The following TMEM259 variants were observed in gnomAD, a reference collection of about 807,000 sequenced individuals.
TMEM259 encodes membralin.
Under a neutral mutation model 46.7 loss-of-function variants are expected in TMEM259, and 26 were observed. That is an observed-to-expected ratio of 0.56 (90% confidence interval 0.41 to 0.77). The LOEUF is 0.77. TMEM259 is among the 30% of genes least tolerant of loss of function. The probability of loss-of-function intolerance (pLI) is 0.00; values close to 1 mark genes in which losing one functional copy is unlikely to be tolerated. For missense variants in TMEM259, 930 were observed against 900.5 expected, an observed-to-expected ratio of 1.03 and a Z score of -0.42; for synonymous variants, 494 against 395.1, an observed-to-expected ratio of 1.25 and a Z score of -2.97.
In TMEM259 at chr19:1,009,841, T is replaced by C; in HGVS notation, c.*509A>G. The C allele has an allele frequency of 4.7e-6, 2 of 423,284 alleles. No homozygotes were observed. The highest frequency in any genetic ancestry group is 5.5e-5 in the South Asian group (1 of 18,302). 26.2% of individuals were successfully genotyped at this position (423,284 alleles called of 1,614,324 possible). A position where few individuals can be genotyped will look rare whatever the true frequency, so the allele number is the denominator to read the frequency against. On this transcript the variant is annotated 3_prime_UTR_variant, in exon 11 of 11. Coordinates refer to ENST00000356663, the MANE Select transcript of TMEM259 (RefSeq NM_001033026.2). ...CTGATGTTGGCGCCTGCACCCCACGTCCCTATGCCCGAGGCGCAAGCTCTG... is the reference window on the plus strand; with the variant it reads ...CTGATGTTGGCGCCTGCACCCCACGCCCCTATGCCCGAGGCGCAAGCTCTG...
rs1568399827 is a variant in TMEM259, at chr19:1,011,348, G to A, written c.1217+19C>T. On this transcript the variant is annotated intron_variant, in intron 9 of 10. Transcript: ENST00000356663. ...TGCCCACCAGCACCCACTCCACCCT[G>A]CCCCCGCGCCACGCTCACCGCAGCC... is the stretch of plus-strand genomic sequence containing the variant. 3 of 1,564,122 alleles carry A rather than the reference G, an allele frequency of 1.9e-6. No individual in the cohort carries two copies. Among genetic ancestry groups the A allele is most frequent in the Non-Finnish European group, 2.6e-6 (3 of 1,156,792 alleles).
Position 1,010,776 on chromosome 19 carries a change from G to T in TMEM259, c.1437C>A (p.Pro479=). Residue 479 remains proline, a synonymous_variant, in exon 11 of 11, where the codon CCC becomes CCA. Coordinates refer to ENST00000356663, the MANE Select transcript of TMEM259 (RefSeq NM_001033026.2). The part of the protein sequence containing the change: ...PLGPGTPTAL[P]DDMNNNSGAP... ...CGCCCGAGTTGTTGTTCATGTCATC[G>T]GGCAGCGCCGTGGGGGTCCCGGGGC... 1 of 1,555,314 alleles carries T rather than the reference G, an allele frequency of 6.4e-7. No individual in the cohort carries two copies. Among genetic ancestry groups the T allele is most frequent in the South Asian group, 1.2e-5 (1 of 85,836 alleles).
At position 1,009,934 on chromosome 19, in the gene TMEM259, G is replaced by C; in HGVS notation, c.*416C>G. 3.0e-6 allele frequency: 1 copy of C among 330,084 alleles called. No individual in the cohort carries two copies. The highest frequency in any genetic ancestry group is 5.5e-6 in the Non-Finnish European group (1 of 181,230). The allele number at this position is 330,084 out of a possible 1,614,324, so 20.4% of individuals were successfully genotyped here. A position where few individuals can be genotyped will look rare whatever the true frequency, so the allele number is the denominator to read the frequency against. On this transcript the variant is annotated 3_prime_UTR_variant, in exon 11 of 11. Transcript: ENST00000356663. The stretch of plus-strand genomic sequence containing the variant: ...GGGGCCATGGAGAAGGCACTGCAGG[G>C]AGCACCAGGCAGAGCCGGGCTGAGG...
chr19:1,010,371 C>A lies in TMEM259; in HGVS notation c.1842G>T (p.Ala614=), dbSNP rs375152820. 13 of 1,495,672 alleles carry A rather than the reference C, an allele frequency of 8.7e-6. No homozygotes were observed. In the East Asian group the frequency reaches 2.7e-4, roughly 31 times the overall value. The allele number at this position is 1,495,672 out of a possible 1,614,324, so 92.7% of individuals were successfully genotyped here. A position where few individuals can be genotyped will look rare whatever the true frequency, so the allele number is the denominator to read the frequency against. The change falls in exon 11 of 11, where the codon GCG becomes GCT. Residue 614 remains alanine (A), a synonymous_variant. Transcript: ENST00000356663. The stretch of plus-strand genomic sequence containing the variant: ...CGGCTCAGGACCCCACCTCCGAGGG[C>A]GCCTCCGTTGGGGCCATGGAGGCCG... ...PSPASMAPTE[A]PSEVGS is the part of the protein sequence containing the mutation.
Position 1,020,085 on chromosome 19 carries a change from G to C in TMEM259, c.225+687C>G, listed in dbSNP as rs1763658615. ...CAACCTGAGCTCCTGAAGCAGGAAG[G>C]GAGTGGGGACCCAGCGGAGGAAGAG... On this transcript the variant is annotated intron_variant, in intron 1 of 10. Coordinates refer to ENST00000356663, the MANE Select transcript of TMEM259 (RefSeq NM_001033026.2). This position sits in a 1 kb window ranked among gnomAD's most constrained non-coding sequence, Gnocchi z 4.0. 6.6e-6 allele frequency among the ~76,000 whole-genome samples: 1 copy of C among 152,132 alleles called. No individual in the cohort carries two copies. Among genetic ancestry groups the C allele is most frequent in the Non-Finnish European group, 1.5e-5 (1 of 68,010 alleles).
chr19:1,016,876 G>A (rs912965033), intron 1 of TMEM259, among the ~76,000 whole-genome samples: 55 of 152,282 alleles, frequency 3.6e-4, no homozygotes, highest in African/African-American at 1.3e-3. Context: ...CGGACGTGAT[G>A]AGAGGGCACC....
At chr19:1,013,668 G>T in intron 2 of TMEM259, 1 of 307,742 alleles carries the variant, frequency 3.2e-6, no homozygotes, top group Non-Finnish European at 6.2e-6. Flanking sequence ...GTGGGAACAG[G>T]TGGGACCCCA....
chr19:1,016,739 G>A (rs928515586), intron 1 of TMEM259, among the ~76,000 whole-genome samples: 15 of 152,222 alleles, frequency 9.9e-5, no homozygotes, highest in African/African-American at 2.2e-4. Flanking sequence ...AAGGCCCCAC[G>A]GGGAAGAGCA....
rs2145589014 is a variant in TMEM259, at chr19:1,014,476, A to G, written c.226-3T>C. 1 of 1,603,740 alleles carries G rather than the reference A, an allele frequency of 6.2e-7. No individual in the cohort carries two copies. Among genetic ancestry groups the G allele is most frequent in the Non-Finnish European group, 8.5e-7 (1 of 1,174,176 alleles). Reference sequence around the variant, plus strand: ...AGGACGAAGAGCACAAACAGGGCCTAGGGGGCGGCCGGCAGTCAGTGGGGC... The same window carrying G: ...AGGACGAAGAGCACAAACAGGGCCTGGGGGGCGGCCGGCAGTCAGTGGGGC... On this transcript the variant is annotated splice_region_variant and splice_polypyrimidine_tract_variant and intron_variant, in intron 1 of 10. Transcript: ENST00000356663.
chr19:1,010,600 A>G lies in TMEM259; in HGVS notation c.1613T>C (p.Leu538Pro), dbSNP rs1276615901. ...GGCAGCGGTCTCTGCCATCCAACCC[A>G]GGTCACCACCGGCAGCTGCTGCCAC... is the stretch of plus-strand genomic sequence containing the variant. ...ASVAAAAGGD[L>P]GWMAETAAII... is the part of the protein sequence containing the mutation. Residue 538 changes from leucine to proline, a missense_variant, in exon 11 of 11, where the codon CTG (leucine) becomes CCG (proline). Transcript: ENST00000356663. The G allele has an allele frequency of 1.3e-5, 20 of 1,551,486 alleles. No individual in the cohort carries two copies. Among genetic ancestry groups the G allele is most frequent in the Non-Finnish European group, 1.7e-5 (19 of 1,150,042 alleles).
At position 1,014,297 on chromosome 19, in the gene TMEM259, G is replaced by A. The variant is rs774357446; in HGVS notation, c.402C>T (p.Arg134=). ...CCACGGCCAGGCCCGGGAAGCTCCC[G>A]CGGCCGCCGCTGTCACAGAACTGTA... ...VFLQFCDSGG[R]GSFPGLAVEP... Residue 134 remains arginine (R), a synonymous_variant, in exon 2 of 11, where the codon CGC becomes CGT. Coordinates refer to ENST00000356663, the MANE Select transcript of TMEM259 (RefSeq NM_001033026.2). 19 of 1,612,534 alleles carry A rather than the reference G, an allele frequency of 1.2e-5. No homozygotes were observed. Among genetic ancestry groups the A allele is most frequent in the African/African-American group, 2.7e-5 (2 of 74,946 alleles).
intron 1 of TMEM259, among the ~76,000 whole-genome samples, chr19:1,019,719 C>G (rs72973524): frequency 0.07 from 10,711 of 152,282 alleles, 520 homozygotes; most frequent in Non-Finnish European, 0.1. Context: ...CAGCCTGGCC[C>G]GCCAGCATCG....
At chr19:1,019,851 C>T (rs1473217024) in intron 1 of TMEM259, among the ~76,000 whole-genome samples, 2 of 152,212 alleles carry the variant, frequency 1.3e-5, no homozygotes, top group East Asian at 1.9e-4. Flanking sequence ...CGCCAGGTGG[C>T]CCAGGACCCC....
chr19:1,013,318 T>C lies in TMEM259; in HGVS notation c.530A>G (p.Lys177Arg), dbSNP rs2039001206. 6.2e-7 allele frequency: 1 copy of C among 1,613,484 alleles called. No homozygotes were observed. Among genetic ancestry groups the C allele is most frequent in the African/African-American group, 1.3e-5 (1 of 74,922 alleles). Residue 177 changes from lysine to arginine, a missense_variant, in exon 3 of 11, where the codon AAG becomes AGG. Lys to Arg is a conservative substitution (Grantham distance 26, BLOSUM62 2). Transcript: ENST00000356663. ...TGTGCTACTCGGCGGCTTGAACACCTTGGGCTCGATGTCCAGCTCAAACTG... is the reference window on the plus strand; with the variant it reads ...TGTGCTACTCGGCGGCTTGAACACCCTGGGCTCGATGTCCAGCTCAAACTG... The part of the protein sequence containing the change: ...SIKFELDIEP[K>R]VFKPPSSTEA...
Position 1,013,229 on chromosome 19 carries a change from T to C in TMEM259, c.607+12A>G. The C allele has an allele frequency of 6.2e-7, 1 of 1,610,052 alleles. No homozygotes were observed. The highest frequency in any genetic ancestry group is 8.5e-7 in the Non-Finnish European group (1 of 1,176,680). ...ACCCCGTGAGGCAGTACACCTTTGG[T>C]GGGTGGCCTACCTTTGGTGGGCGTC... On this transcript the variant is annotated intron_variant, in intron 3 of 10. Coordinates refer to ENST00000356663, the MANE Select transcript of TMEM259 (RefSeq NM_001033026.2).
chr19:1,010,715 G>C lies in TMEM259; in HGVS notation c.1498C>G (p.Pro500Ala). ...ATAPDSAGQP[P>A]ALGPVSPGAS... Reference sequence around the variant, plus strand: ...CCAGGCGAGACGGGGCCCAGGGCGGGGGGCTGGCCGGCAGAGTCAGGGGCT... The same window carrying C: ...CCAGGCGAGACGGGGCCCAGGGCGGCGGGCTGGCCGGCAGAGTCAGGGGCT... The change falls in exon 11 of 11, where the codon CCC becomes GCC. Residue 500 changes from proline to alanine, a missense_variant. Physicochemically the swap from Pro to Ala is conservative, Grantham distance 27. Coordinates refer to ENST00000356663, the MANE Select transcript of TMEM259 (RefSeq NM_001033026.2). The C allele has an allele frequency of 6.5e-7, 1 of 1,528,678 alleles. No homozygotes were observed. The highest frequency in any genetic ancestry group is 8.7e-7 in the Non-Finnish European group (1 of 1,143,952). 94.7% of individuals were successfully genotyped at this position (1,528,678 alleles called of 1,614,324 possible). A position where few individuals can be genotyped will look rare whatever the true frequency, so the allele number is the denominator to read the frequency against.
Position 1,010,371 on chromosome 19 carries a change from CGCCTCCGTTGGG to C in TMEM259, c.1830_1841del (p.Thr612_Pro615del). The C allele has an allele frequency of 6.7e-7, 1 of 1,495,790 alleles. No homozygotes were observed. The highest frequency in any genetic ancestry group is 8.8e-7 in the Non-Finnish European group (1 of 1,130,438). The allele number at this position is 1,495,790 out of a possible 1,614,324, so 92.7% of individuals were successfully genotyped here. ...CGGCTCAGGACCCCACCTCCGAGGG[CGCCTCCGTTGGG>C]GCCATGGAGGCCGGGCTAGGCCCGC... On this transcript the variant is annotated inframe_deletion, in exon 11 of 11. Coordinates refer to ENST00000356663, the MANE Select transcript of TMEM259 (RefSeq NM_001033026.2).
chr19:1,011,616 C>T lies in TMEM259; in HGVS notation c.1048G>A (p.Ala350Thr), dbSNP rs979898481. 1.6e-5 allele frequency: 24 copies of T among 1,546,010 alleles called. No homozygotes were observed. Among genetic ancestry groups the T allele is most frequent in the Admixed American group, 3.9e-5 (2 of 50,884 alleles). ...LEMNMAIAFP[A>T]APLLTVILAL... is the part of the protein sequence containing the mutation. Reference sequence around the variant, plus strand: ...AGGATGACGGTCAGCAGGGGCGCTGCGGGGAAGGCGATGGCCATGTTCATC... The same window carrying T: ...AGGATGACGGTCAGCAGGGGCGCTGTGGGGAAGGCGATGGCCATGTTCATC... The change falls in exon 8 of 11, where the codon GCA becomes ACA. Residue 350 changes from alanine to threonine, a missense_variant. By Grantham distance (58) the Ala-to-Thr change is moderately conservative. Transcript: ENST00000356663.
At chr19:1,011,838 G>A (rs1374520194) in intron 6 of TMEM259, 40 bp from the exon 7 acceptor site, 5 of 1,589,924 alleles carry the variant, frequency 3.1e-6, no homozygotes, top group Middle Eastern at 3.3e-4. Flanking sequence ...GGGGCTGCGA[G>A]GGCCTGCTTG....
Sources: allele counts gnomAD v4.1 joint callset (sites outside exome capture counted in the v4.1 genomes callset), GRCh38; gene constraint gnomAD v4.1.1; non-coding constraint Gnocchi (gnomAD v3.1); transcripts MANE v1.5; gene names NCBI Gene and HGNC (gene_info 2026-07-23, HGNC 2026-07-21).